CNTNAP2: variants seen among roughly 807,000 people sequenced by gnomAD.
The protein encoded by CNTNAP2 is contactin-associated protein-like 2.
Under a neutral mutation model 155.2 loss-of-function variants are expected in CNTNAP2, and 98 were observed. That is an observed-to-expected ratio of 0.63 (90% CI 0.54 to 0.75). The LOEUF (loss-of-function observed/expected upper bound fraction) is 0.75, where lower values mean the gene tolerates loss of function less well. CNTNAP2 is among the 30% of genes least tolerant of loss of function. The pLI is 0.00. For missense variants in CNTNAP2, 1,727 were observed against 1,688.1 expected (o/e 1.02, Z -0.40); for synonymous variants, 651 against 631.2 (o/e 1.03, Z -0.47).
chr7:146,805,470 A>G (rs954211638), intron 2 of CNTNAP2, among the ~76,000 whole-genome samples: 1 of 152,168 alleles, frequency 6.6e-6, no homozygotes, highest in Non-Finnish European at 1.5e-5. Context: ...ATATGTAGAG[A>G]GCAGGGATGA....
rs1800036676 is a variant in CNTNAP2, at chr7:148,418,169, C to T, written c.*2553C>T. On this transcript the variant is annotated 3_prime_UTR_variant, in exon 24 of 24. Transcript: ENST00000361727. Reference sequence around the variant, plus strand: ...ATGGGTGTAACAAAAATCCCTACATCTGTTTATGAAGGCCATATTCAGTAC... The same window carrying T: ...ATGGGTGTAACAAAAATCCCTACATTTGTTTATGAAGGCCATATTCAGTAC... 1 of 152,192 alleles carries T rather than the reference C, an allele frequency of 6.6e-6. No individual in the cohort carries two copies. Among genetic ancestry groups the T allele is most frequent in the South Asian group, 2.1e-4 (1 of 4,826 alleles). The allele number at this position is 152,192 out of a possible 1,614,324, so 9.4% of individuals were successfully genotyped here.
At chr7:146,359,118 T>C (rs1365868181) in intron 1 of CNTNAP2, among the ~76,000 whole-genome samples, 1 of 152,270 alleles carries the variant, frequency 6.6e-6, no homozygotes, top group Non-Finnish European at 1.5e-5. Context: ...ATCAGAGGGT[T>C]GACCCTATAA....
chr7:146,997,304 T>C (rs1798330455), intron 3 of CNTNAP2, among the ~76,000 whole-genome samples: 1 of 152,120 alleles, frequency 6.6e-6, no homozygotes, highest in African/African-American at 2.4e-5. Context: ...TGTAAAAAGG[T>C]TTCTTCTGCA....
chr7:146,699,482 G>T (rs867710270), intron 1 of CNTNAP2, among the ~76,000 whole-genome samples: 3 of 152,150 alleles, frequency 2.0e-5, no homozygotes, highest in Non-Finnish European at 4.4e-5. Context: ...CAGTGTTTTA[G>T]TGAGCCTGGG....
intron 5 of CNTNAP2, among the ~76,000 whole-genome samples, chr7:147,111,992 T>C (rs1320167603): frequency 2.0e-5 from 3 of 152,182 alleles, no homozygotes; most frequent in African/African-American, 7.2e-5. Flanking sequence ...TTATTCCTAT[T>C]CTCCCTATCC....
At chr7:146,859,396 C>A (rs1027824016) in intron 3 of CNTNAP2, among the ~76,000 whole-genome samples, 2 of 152,182 alleles carry the variant, frequency 1.3e-5, no homozygotes, top group Non-Finnish European at 2.9e-5. Context: ...GTGGCTCACA[C>A]CTGTAGTCCC....
At chr7:146,551,641 A>T (rs889752544) in intron 1 of CNTNAP2, among the ~76,000 whole-genome samples, 1 of 152,138 alleles carries the variant, frequency 6.6e-6, no homozygotes, top group African/African-American at 2.4e-5. Flanking sequence ...GACACTAAAA[A>T]AATGAATGAA....
chr7:147,197,353 G>A (rs1802828371), intron 8 of CNTNAP2, among the ~76,000 whole-genome samples: 1 of 147,952 alleles, frequency 6.8e-6, no homozygotes, highest in African/African-American at 2.5e-5. Context: ...CCCCCGTGGA[G>A]TGTACTTTCG....
intron 8 of CNTNAP2, among the ~76,000 whole-genome samples, chr7:147,164,624 G>A (rs1330808376): frequency 6.6e-6 from 1 of 152,098 alleles, no homozygotes; most frequent in Non-Finnish European, 1.5e-5. Flanking sequence ...CGAAATTTAA[G>A]GTTGCTTAGG....
intron 13 of CNTNAP2, among the ~76,000 whole-genome samples, chr7:147,658,189 G>A (rs1041052099): frequency 8.5e-6 from 1 of 118,036 alleles, no homozygotes; most frequent in African/African-American, 2.8e-5. Context: ...CCCGGGAGGC[G>A]GAGCTTGCAG....
chr7:146,538,607 C>A (rs914393434), intron 1 of CNTNAP2, among the ~76,000 whole-genome samples: 2 of 151,874 alleles, frequency 1.3e-5, no homozygotes, highest in African/African-American at 4.8e-5. Context: ...ACTTCTCCTA[C>A]GGGAGGTCTC....
chr7:147,742,549 C>T (rs1360359346), intron 13 of CNTNAP2, among the ~76,000 whole-genome samples: 1 of 152,184 alleles, frequency 6.6e-6, no homozygotes, highest in Non-Finnish European at 1.5e-5. Flanking sequence ...CTTTCCTTTT[C>T]TCTGCAATAT....
At chr7:148,368,646 G>T (rs987735034) in intron 21 of CNTNAP2, among the ~76,000 whole-genome samples, 1 of 152,148 alleles carries the variant, frequency 6.6e-6, no homozygotes, top group East Asian at 1.9e-4. Context: ...GGTTTATTCA[G>T]CCGGGAGCAT....
At chr7:146,663,642 T>C (rs1424505101) in intron 1 of CNTNAP2, among the ~76,000 whole-genome samples, 2 of 152,150 alleles carry the variant, frequency 1.3e-5, no homozygotes, top group African/African-American at 4.8e-5. Context: ...TAAACTGTAC[T>C]TTTTCCCTCA....
At chr7:147,830,821 A>G (rs967081107) in intron 13 of CNTNAP2, among the ~76,000 whole-genome samples, 2 of 152,208 alleles carry the variant, frequency 1.3e-5, no homozygotes, top group Non-Finnish European at 2.9e-5. Context: ...TTTTCTTCTC[A>G]GCCAAATGTT....
At chr7:147,365,383 GAAAAAA>G (rs10557373) in intron 9 of CNTNAP2, among the ~76,000 whole-genome samples, 14 of 93,640 alleles carry the variant, frequency 1.5e-4, no homozygotes, top group African/African-American at 3.0e-4. Flanking sequence ...ATCTCAAAAA[GAAAAAA>G]AAAAAAAAAA....
At chr7:147,232,652 C>T (rs1212656906) in intron 8 of CNTNAP2, among the ~76,000 whole-genome samples, 1 of 152,134 alleles carries the variant, frequency 6.6e-6, no homozygotes, top group Non-Finnish European at 1.5e-5. Flanking sequence ...TAAAATTAGA[C>T]TCCTGTATTA....
intron 15 of CNTNAP2, among the ~76,000 whole-genome samples, chr7:147,980,042 C>T (rs1158398417): frequency 6.6e-6 from 1 of 152,120 alleles, no homozygotes; most frequent in African/African-American, 2.4e-5. Flanking sequence ...ATAAATCAGC[C>T]TCAGGAAGAA....
intron 3 of CNTNAP2, among the ~76,000 whole-genome samples, chr7:146,927,242 A>G (rs1162305121): frequency 6.6e-6 from 1 of 152,176 alleles, no homozygotes; most frequent in Non-Finnish European, 1.5e-5. Context: ...AAACTGGGAA[A>G]GCTTTCACAT....
Sources: gnomAD v4.1 joint callset for allele counts (sites outside exome capture counted in the v4.1 genomes callset) on GRCh38, gnomAD v4.1.1 for gene constraint, MANE v1.5 for transcripts, NCBI Gene and HGNC (gene_info 2026-07-23, HGNC 2026-07-21) for gene names.